The following SIRPB2 variants were observed in gnomAD, a reference collection of about 807,000 sequenced individuals.
SIRPB2 encodes signal-regulatory protein beta-2.
A neutral mutation model predicts 27.1 loss-of-function variants in SIRPB2; 18 were observed. The ratio of observed to expected loss-of-function variants is 0.66; its 90% CI spans 0.46 to 0.98. The LOEUF (loss-of-function observed/expected upper bound fraction) is 0.98, where lower values mean the gene tolerates loss of function less well. Among genes scored for constraint, SIRPB2 ranks in the 50% least tolerant of loss-of-function variants. SIRPB2 has a pLI of 0.00. For synonymous variants in SIRPB2, 150 were observed against 164.6 expected (o/e 0.91, Z 0.68); for missense variants, 420 against 417.4 (o/e 1.01, Z -0.06).
rs991052787 is a variant in SIRPB2, at chr20:1,474,577, CTT to C, written c.*1588_*1589del. The stretch of plus-strand genomic sequence containing the variant: ...CAGTAAATGCAGAATTGAATTGGTT[CTT>C]TTTTTTTTTTTGAGACGGAGTTTTG... On this transcript the variant is annotated 3_prime_UTR_variant, in exon 5 of 5. Transcript: ENST00000359801. The C allele has an allele frequency of 5.5e-5, 8 of 145,616 alleles. No individual in the cohort carries two copies. The highest frequency in any genetic ancestry group is 9.1e-5 in the Non-Finnish European group (6 of 65,912). The allele number at this position is 145,616 out of a possible 1,614,324, so 9.0% of individuals were successfully genotyped here. A position where few individuals can be genotyped will look rare whatever the true frequency, so the allele number is the denominator to read the frequency against.
In SIRPB2 at chr20:1,477,409, A is replaced by T; in HGVS notation, c.794-6T>A. On this transcript the variant is annotated splice_polypyrimidine_tract_variant and splice_region_variant and intron_variant, in intron 3 of 4. Transcript: ENST00000359801. Reference sequence around the variant, plus strand: ...TTTGGAAGAGGTAGATTTTGCTGCAAGGGAGAGAGGCTTTGTCATACTTCC... The same window carrying T: ...TTTGGAAGAGGTAGATTTTGCTGCATGGGAGAGAGGCTTTGTCATACTTCC... The T allele has an allele frequency of 3.1e-6, 5 of 1,610,232 alleles. No homozygotes were observed. Among genetic ancestry groups the T allele is most frequent in the Non-Finnish European group, 4.2e-6 (5 of 1,177,220 alleles).
At chr20:1,487,790 T>A (rs935349962) in intron 1 of SIRPB2, among the ~76,000 whole-genome samples, 1 of 152,168 alleles carries the variant, frequency 6.6e-6, no homozygotes, top group Non-Finnish European at 1.5e-5. Flanking sequence ...ATGCCATGGC[T>A]CCTAACTATA....
rs1394614569 is a variant in SIRPB2 at position 1,489,320 on chromosome 20, T to C, written c.85+1955A>G. Among the ~76,000 whole-genome samples, 3 of 152,220 alleles carry C rather than the reference T, an allele frequency of 2.0e-5. No individual in the cohort carries two copies. The East Asian group carries it at 5.8e-4, about 29-fold the overall frequency. On this transcript the variant is annotated intron_variant, in intron 1 of 4. Coordinates refer to ENST00000359801, the MANE Select transcript of SIRPB2 (RefSeq NM_001122962.2). Reference sequence around the variant, plus strand: ...GCACTCACAAAAAAAACTTATCAAATTGTGTACTTTACATATGTACGGTTT... The same window carrying C: ...GCACTCACAAAAAAAACTTATCAAACTGTGTACTTTACATATGTACGGTTT...
intron 3 of SIRPB2, among the ~76,000 whole-genome samples, 185 bp from the exon 4 acceptor site, chr20:1,477,588 A>G (rs186551175): frequency 3.2e-4 from 49 of 152,294 alleles, no homozygotes; most frequent in Non-Finnish European, 2.9e-5. Flanking sequence ...TAGGGTATGG[A>G]CCTGTCTAAT....
intron 1 of SIRPB2, 180 bp from the exon 2 acceptor site, chr20:1,480,245 G>A (rs2090656734): frequency 9.0e-6 from 7 of 775,976 alleles, no homozygotes; most frequent in Admixed American, 6.0e-5. Flanking sequence ...AGAGAACTGA[G>A]CTATGCAATG....
At chr20:1,490,013 C>G (rs1482254508) in intron 1 of SIRPB2, among the ~76,000 whole-genome samples, 1 of 152,190 alleles carries the variant, frequency 6.6e-6, no homozygotes, top group Non-Finnish European at 1.5e-5. Flanking sequence ...TGCAGCTGGA[C>G]TCAAACATTC....
intron 1 of SIRPB2, among the ~76,000 whole-genome samples, chr20:1,482,938 A>G (rs2090687488): frequency 6.6e-6 from 1 of 152,048 alleles, no homozygotes; most frequent in Non-Finnish European, 1.5e-5. Context: ...CTCCTTTGAT[A>G]TATTGATTTC....
chr20:1,487,122 G>A (rs543094864), intron 1 of SIRPB2, among the ~76,000 whole-genome samples: 1 of 152,204 alleles, frequency 6.6e-6, no homozygotes, highest in Admixed American at 6.5e-5. Flanking sequence ...TTAGCAAGGT[G>A]GACGATAAAA....
At position 1,476,086 on chromosome 20, in the gene SIRPB2, G is replaced by A; in HGVS notation, c.*81C>T. On this transcript the variant is annotated 3_prime_UTR_variant, in exon 5 of 5. Transcript: ENST00000359801. ...TCATGAGGCCTGGGGGCACCTAGAG[G>A]CTGGGACTGGAGGTAGGGAAATGGT... The A allele has an allele frequency of 7.2e-6, 11 of 1,521,550 alleles. No individual in the cohort carries two copies. The highest frequency in any genetic ancestry group is 9.8e-6 in the Non-Finnish European group (11 of 1,119,390). 94.3% of individuals were successfully genotyped at this position (1,521,550 alleles called of 1,614,324 possible). A position where few individuals can be genotyped will look rare whatever the true frequency, so the allele number is the denominator to read the frequency against.
chr20:1,478,287 C>T lies in SIRPB2; in HGVS notation c.772G>A (p.Gly258Ser). Residue 258 changes from glycine (G) to serine (S), a missense_variant, in exon 3 of 5, where the codon GGC (glycine) becomes AGC (serine). Transcript: ENST00000359801. ...KPNRQYLSGQ[G>S]TSLKVKAKST... ...TCACCTTTCACTTTCAGGCTGGTGC[C>T]CTGTCCAGACAGGTATTGCCTGTTG... The T allele has an allele frequency of 6.2e-7, 1 of 1,613,142 alleles. No homozygotes were observed. Among genetic ancestry groups the T allele is most frequent in the Non-Finnish European group, 8.5e-7 (1 of 1,179,158 alleles).
In SIRPB2 at chr20:1,479,979, G is replaced by A; in HGVS notation, c.172C>T (p.Leu58=). The change falls in exon 2 of 5, where the codon CTG becomes TTG. Residue 58 remains leucine, a synonymous_variant. Transcript: ENST00000359801. ...MLVAEGETLL[L]RCMVVGSCTD... ...CAGGAGCCGACCACCATACACCTCAGTAGAAGTGTCTCACCTTCTGCCACC... is the reference window on the plus strand; with the variant it reads ...CAGGAGCCGACCACCATACACCTCAATAGAAGTGTCTCACCTTCTGCCACC... The A allele has an allele frequency of 6.2e-7, 1 of 1,614,178 alleles. No homozygotes were observed. The highest frequency in any genetic ancestry group is 8.5e-7 in the Non-Finnish European group (1 of 1,180,028).
At chr20:1,473,356 A>G (rs1372217840), downstream of SIRPB2, 2 of 152,146 alleles carry the variant, frequency 1.3e-5, no homozygotes, top group East Asian at 3.9e-4. Flanking sequence ...ACAAACACAC[A>G]CGCACACACA....
chr20:1,476,199 T>C lies in SIRPB2; in HGVS notation c.997A>G (p.Asn333Asp), dbSNP rs1475279131. Residue 333 changes from asparagine to aspartate, a missense_variant, in exon 5 of 5, where the codon AAC becomes GAC. Physicochemically the swap from Asn to Asp is conservative, Grantham distance 23. Transcript: ENST00000359801. Reference sequence around the variant, plus strand: ...TGACCCTTGCTCCATGCTAAGGTGTTCATGGCTCCTGCTGGGCCTGTGGTC... The same window carrying C: ...TGACCCTTGCTCCATGCTAAGGTGTCCATGGCTCCTGCTGGGCCTGTGGTC... ...VKTTGPAGAM[N>D]TLAWSKGQE The C allele has an allele frequency of 8.7e-6, 14 of 1,613,932 alleles. No homozygotes were observed. The highest frequency in any genetic ancestry group is 1.2e-5 in the Non-Finnish European group (14 of 1,179,992).
At position 1,491,363 on chromosome 20, in the gene SIRPB2, A is replaced by G. The variant is rs766389952; in HGVS notation, c.-4T>C. 6.2e-7 allele frequency: 1 copy of G among 1,607,096 alleles called. No individual in the cohort carries two copies. Among genetic ancestry groups the G allele is most frequent in the East Asian group, 2.2e-5 (1 of 44,456 alleles). On this transcript the variant is annotated 5_prime_UTR_variant, in exon 1 of 5. An upstream start codon of the reference 5' UTR is lost. Transcript: ENST00000359801. ...GGGCCGACATCGTGGAGCACATGGC[A>G]TCTTCTGTGGTCCCCAAGACTTGGG... is the stretch of plus-strand genomic sequence containing the variant.
chr20:1,478,330 T>C lies in SIRPB2; in HGVS notation c.729A>G (p.Val243=). ...GCCTGTTGGGTTTCCTCTGAAACTT[T>C]ACACAGTAATAGGTGCCTGCATCCT... ...SSEDAGTYYC[V]KFQRKPNRQY... is the part of the protein sequence containing the mutation. The change falls in exon 3 of 5, where the codon GTA becomes GTG. Residue 243 remains valine, a synonymous_variant. Transcript: ENST00000359801. 1 of 1,614,230 alleles carries C rather than the reference T, an allele frequency of 6.2e-7. No homozygotes were observed. Among genetic ancestry groups the C allele is most frequent in the Non-Finnish European group, 8.5e-7 (1 of 1,180,052 alleles).
At chr20:1,480,119 A>C in intron 1 of SIRPB2, 54 bp from the exon 2 acceptor site, 1 of 1,531,254 alleles carries the variant, frequency 6.5e-7, no homozygotes, top group Non-Finnish European at 8.7e-7. Context: ...TGGAGCCCTA[A>C]ATGACAAGCT....
rs1160504781 is a variant in SIRPB2 at position 1,478,574 on chromosome 20, A to G, written c.485T>C (p.Ile162Thr). ...CCCCAACACCAATTCCTGGGGCTGG[A>G]TGATCCACAGGTCTGGTTCAGGGTC... ...AGDPEPDLWI[I>T]QPQELVLGTT... The change falls in exon 3 of 5, where the codon ATC (isoleucine) becomes ACC (threonine). Residue 162 changes from isoleucine to threonine, a missense_variant. By Grantham distance (89) the Ile-to-Thr change is moderately conservative. Coordinates refer to ENST00000359801, the MANE Select transcript of SIRPB2 (RefSeq NM_001122962.2). 6.2e-7 allele frequency: 1 copy of G among 1,604,772 alleles called. No individual in the cohort carries two copies. Among genetic ancestry groups the G allele is most frequent in the Admixed American group, 1.7e-5 (1 of 59,436 alleles).
chr20:1,477,168 A>G (rs756666669), intron 4 of SIRPB2, 170 bp downstream of exon 4: 1 of 1,585,534 alleles, frequency 6.3e-7, no homozygotes, highest in South Asian at 1.1e-5. Flanking sequence ...GAGCTGTTAT[A>G]ACATGGTTCT....
chr20:1,483,321 G>C (rs1600018681), intron 1 of SIRPB2, among the ~76,000 whole-genome samples: 1 of 150,448 alleles, frequency 6.6e-6, no homozygotes, highest in Admixed American at 6.7e-5. Flanking sequence ...TGGTCAGGCT[G>C]GTCTCGAACC....
Sources: gnomAD v4.1 joint callset for allele counts (sites outside exome capture counted in the v4.1 genomes callset) on GRCh38, gnomAD v4.1.1 for gene constraint, MANE v1.5 for transcripts, NCBI Gene and HGNC (gene_info 2026-07-23, HGNC 2026-07-21) for gene names.